The following GABRA2 variants were observed in gnomAD, a reference collection of about 807,000 sequenced individuals.
GABRA2 encodes gamma-aminobutyric acid receptor subunit alpha-2.
In GABRA2, 16 loss-of-function variants were observed where a neutral mutation model predicts 48.7. The observed-to-expected ratio is 0.33, with a 90% CI of 0.22 to 0.50. GABRA2 has a LOEUF of 0.50. GABRA2 is among the 20% of genes least tolerant of loss of function. The pLI, the probability that GABRA2 is intolerant of heterozygous loss-of-function variation, is 0.98. For missense variants in GABRA2, 275 were observed against 535.6 expected (o/e 0.51, Z 4.80); for synonymous variants, 185 against 184.5 (o/e 1.00, Z -0.02).
At chr4:46,283,844 C>T (rs972273567) in intron 8 of GABRA2, among the ~76,000 whole-genome samples, 5 of 152,178 alleles carry the variant, frequency 3.3e-5, no homozygotes, top group African/African-American at 1.2e-4. Context: ...ACTGCCAGCT[C>T]CGCCTCCTGG....
chr4:46,309,157 G>C (rs1185086243), intron 6 of GABRA2, among the ~76,000 whole-genome samples: 2 of 152,112 alleles, frequency 1.3e-5, no homozygotes, highest in East Asian at 1.9e-4. Flanking sequence ...ATTGAGACCT[G>C]ACACCTTTTG....
At chr4:46,251,552 T>C (rs1295443575) in intron 9 of GABRA2, among the ~76,000 whole-genome samples, 1 of 151,374 alleles carries the variant, frequency 6.6e-6, no homozygotes, top group Admixed American at 6.6e-5. Context: ...TGATATACCA[T>C]CTCCCCACCC....
At chr4:46,364,965 T>C (rs541888058) in intron 3 of GABRA2, 15 of 152,334 alleles carry the variant, frequency 9.8e-5, no homozygotes, top group Non-Finnish European at 2.2e-4. Context: ...TTTTAAAAAT[T>C]GTCTATTGCA....
chr4:46,383,840 G>A (rs765898442), intron 3 of GABRA2, among the ~76,000 whole-genome samples: 3 of 152,120 alleles, frequency 2.0e-5, no homozygotes, highest in African/African-American at 4.8e-5. Flanking sequence ...AGGAATAGAT[G>A]AGAATGAATT....
At chr4:46,350,045 A>G (rs981144790) in intron 3 of GABRA2, among the ~76,000 whole-genome samples, 7 of 151,904 alleles carry the variant, frequency 4.6e-5, no homozygotes, top group African/African-American at 1.7e-4. Flanking sequence ...AAATTTATAT[A>G]TATGATCAAA....
intron 9 of GABRA2, among the ~76,000 whole-genome samples, chr4:46,254,720 G>C (rs543795638): frequency 6.6e-6 from 1 of 151,426 alleles, no homozygotes; most frequent in East Asian, 2.0e-4. Context: ...AAAGCTATGC[G>C]TGAATGACTG....
chr4:46,369,448 T>A (rs1377778034), intron 3 of GABRA2, among the ~76,000 whole-genome samples: 1 of 152,090 alleles, frequency 6.6e-6, no homozygotes, highest in Non-Finnish European at 1.5e-5. Context: ...AGAAACTGAA[T>A]AGGAGTAAAG....
chr4:46,346,070 A>C (rs1185389901), intron 3 of GABRA2, among the ~76,000 whole-genome samples: 2 of 151,828 alleles, frequency 1.3e-5, no homozygotes, highest in African/African-American at 4.8e-5. Context: ...TTTGCCTTAC[A>C]CTCTCAGCAA....
chr4:46,330,834 G>C (rs186530391), intron 4 of GABRA2, among the ~76,000 whole-genome samples: 1 of 151,954 alleles, frequency 6.6e-6, no homozygotes, highest in Non-Finnish European at 1.5e-5. Flanking sequence ...CAATGTAGTA[G>C]TTAACAAAAT....
chr4:46,283,434 C>T (rs1464782361), intron 8 of GABRA2, among the ~76,000 whole-genome samples: 1 of 152,154 alleles, frequency 6.6e-6, no homozygotes, highest in Non-Finnish European at 1.5e-5. Context: ...TGCTGCCGTA[C>T]TAGCCTTGGA....
At position 46,243,553 on chromosome 4, in the gene GABRA2, T is replaced by C. The variant is rs1235227244; in HGVS notation, c.*6755A>G. 2 of 151,660 alleles carry C rather than the reference T, an allele frequency of 1.3e-5. No individual in the cohort carries two copies. The highest frequency in any genetic ancestry group is 3.0e-5 in the Non-Finnish European group (2 of 67,712). The allele number at this position is 151,660 out of a possible 1,614,324, so 9.4% of individuals were successfully genotyped here. A position where few individuals can be genotyped will look rare whatever the true frequency, so the allele number is the denominator to read the frequency against. On this transcript the variant is annotated 3_prime_UTR_variant, in exon 10 of 10. Coordinates refer to ENST00000381620, the MANE Select transcript of GABRA2 (RefSeq NM_000807.4). Reference sequence around the variant, plus strand: ...AACACAATTTTCAGAGCAAATATATTTAAATCATTTTTAATAAATACAAAA... The same window carrying C: ...AACACAATTTTCAGAGCAAATATATCTAAATCATTTTTAATAAATACAAAA...
intron 8 of GABRA2, among the ~76,000 whole-genome samples, chr4:46,278,267 T>C (rs1455246601): frequency 6.6e-6 from 1 of 152,198 alleles, no homozygotes; most frequent in African/African-American, 2.4e-5. Flanking sequence ...AAGGTATATG[T>C]TGACTTTAAA....
rs1234901402 is a variant in GABRA2 at position 46,295,706 on chromosome 4, G to A, written c.856+7754C>T. On this transcript the variant is annotated intron_variant, in intron 8 of 9. Transcript: ENST00000381620. The stretch of plus-strand genomic sequence containing the variant: ...CAGCAGAGACTAGCTCTGAGCCCTC[G>A]ATGTGGCACCATTCCTCGGGGTGAT... Among the ~76,000 whole-genome samples, 5 of 152,152 alleles carry A rather than the reference G, an allele frequency of 3.3e-5. No homozygotes were observed. In the East Asian group the frequency reaches 9.6e-4, roughly 29 times the overall value.
chr4:46,367,235 T>C (rs965211080), intron 3 of GABRA2: 1 of 152,026 alleles, frequency 6.6e-6, no homozygotes, highest in African/African-American at 2.4e-5. Context: ...TAGAAAAAAA[T>C]TGATTGTTGA....
At chr4:46,293,265 A>G (rs1037233373) in intron 8 of GABRA2, among the ~76,000 whole-genome samples, 1 of 152,224 alleles carries the variant, frequency 6.6e-6, no homozygotes, top group Non-Finnish European at 1.5e-5. Context: ...GCCAGTTTAC[A>G]GAGCCAGAAC....
chr4:46,350,054 A>G (rs928268713), intron 3 of GABRA2, among the ~76,000 whole-genome samples: 1 of 151,856 alleles, frequency 6.6e-6, no homozygotes, highest in African/African-American at 2.4e-5. Context: ...TATATGATCA[A>G]AATTTATCTT....
chr4:46,306,264 T>C (rs536186403), intron 6 of GABRA2, among the ~76,000 whole-genome samples: 3 of 152,310 alleles, frequency 2.0e-5, no homozygotes, highest in South Asian at 2.1e-4. Flanking sequence ...TGCAAATCCT[T>C]TTAAAATCAT....
At chr4:46,377,805 T>A (rs1716068224) in intron 3 of GABRA2, among the ~76,000 whole-genome samples, 1 of 137,472 alleles carries the variant, frequency 7.3e-6, no homozygotes, top group African/African-American at 2.8e-5. Flanking sequence ...CCGCCCCTAC[T>A]GGGAAGTGAG....
At chr4:46,257,248 G>T (rs761682273) in intron 9 of GABRA2, among the ~76,000 whole-genome samples, 1 of 151,560 alleles carries the variant, frequency 6.6e-6, no homozygotes, top group South Asian at 2.1e-4. Flanking sequence ...AATCTGAAAA[G>T]TTTTCATATT....
Sources: gnomAD v4.1 joint callset for allele counts (sites outside exome capture counted in the v4.1 genomes callset) on GRCh38, gnomAD v4.1.1 for gene constraint, MANE v1.5 for transcripts, NCBI Gene and HGNC (gene_info 2026-07-23, HGNC 2026-07-21) for gene names.